Variants in SGCZ observed in about 807,000 individuals in gnomAD.
The protein encoded by SGCZ is zeta-sarcoglycan.
Under a neutral mutation model 41.3 loss-of-function variants are expected in SGCZ, and 40 were observed. That is an observed-to-expected ratio of 0.97 (90% CI 0.75 to 1.26). The LOEUF (loss-of-function observed/expected upper bound fraction) is 1.26. Ranked by LOEUF, SGCZ falls within the 50% of genes most tolerant of loss-of-function variation. SGCZ has a pLI of 0.00. For missense variants in SGCZ, 552 were observed against 369.8 expected (o/e 1.49, Z -4.04); for synonymous variants, 206 against 137.5 (o/e 1.50, Z -3.49).
At chr8:14,237,532 A>G (rs553568361) in intron 4 of SGCZ, 60 bp downstream of exon 4, 86 of 1,496,458 alleles carry the variant, frequency 5.7e-5, no homozygotes, top group Middle Eastern at 3.5e-4. Context: ...ACCAAAAACC[A>G]AAAACAACAA....
intron 1 of SGCZ, among the ~76,000 whole-genome samples, chr8:14,720,943 A>G (rs1349165732): frequency 1.3e-5 from 2 of 152,046 alleles, no homozygotes; most frequent in East Asian, 3.9e-4. Context: ...ATGATTATAA[A>G]TGACCCCAAA....
chr8:15,116,448 T>C (rs2116940505), intron 1 of SGCZ, among the ~76,000 whole-genome samples: 3 of 152,174 alleles, frequency 2.0e-5, no homozygotes, highest in Middle Eastern at 6.8e-3. Context: ...CAATGAGAAG[T>C]GAGTGAAAAG....
chr8:14,246,599 G>GAA (rs71209032), intron 3 of SGCZ, among the ~76,000 whole-genome samples: 4,308 of 145,700 alleles, frequency 0.03, 204 homozygotes, highest in African/African-American at 0.1. Context: ...AGTATAATAA[G>GAA]AAAAAAAAAA....
At chr8:15,223,569 T>C (rs1563193219) in intron 1 of SGCZ, among the ~76,000 whole-genome samples, 2 of 152,216 alleles carry the variant, frequency 1.3e-5, no homozygotes. Context: ...AAAGAGATGG[T>C]GCTATTTCCA....
intron 3 of SGCZ, chr8:14,319,376 T>C (rs990023362): frequency 6.6e-6 from 1 of 151,942 alleles, no homozygotes; most frequent in Non-Finnish European, 1.5e-5. Context: ...GAACCATTAA[T>C]AACACTCCCA....
intron 1 of SGCZ, among the ~76,000 whole-genome samples, chr8:15,142,298 T>A (rs989575108): frequency 7.9e-5 from 12 of 152,140 alleles, no homozygotes; most frequent in African/African-American, 2.9e-4. Context: ...CTTATTGCAC[T>A]CTGAGAAGTT....
rs754639380 is a variant in SGCZ at position 14,087,735 on chromosome 8, TTG to T, written c.*2706_*2707del. ...TTTTTAAAAAAAAAAAAATGCTTTT[TTG>T]TGTTTGAATGTGGAAAACGAGGACA... On this transcript the variant is annotated 3_prime_UTR_variant, in exon 8 of 8. Transcript: ENST00000382080. Among the ~76,000 whole-genome samples the T allele has an allele frequency of 1.3e-5, 2 of 151,622 alleles. No individual in the cohort carries two copies. Among genetic ancestry groups the T allele is most frequent in the Non-Finnish European group, 3.0e-5 (2 of 67,782 alleles).
chr8:15,130,857 A>G lies in SGCZ; in HGVS notation c.39+106728T>C, dbSNP rs529672959. Among the ~76,000 whole-genome samples the G allele has an allele frequency of 2.6e-5, 4 of 152,310 alleles. No individual in the cohort carries two copies. The East Asian group carries it at 5.8e-4, about 22-fold the overall frequency. ...GAATGACAAAATCACTACAAAATCT[A>G]TAAAGTTGAAGATAATGTTTTTTCA... On this transcript the variant is annotated intron_variant, in intron 1 of 7. Coordinates refer to ENST00000382080, the MANE Select transcript of SGCZ (RefSeq NM_139167.4).
chr8:14,160,470 A>C (rs1804010042), intron 5 of SGCZ, among the ~76,000 whole-genome samples: 1 of 152,208 alleles, frequency 6.6e-6, no homozygotes, highest in Non-Finnish European at 1.5e-5. Flanking sequence ...AATAGTAGGG[A>C]ATACAAAATA....
chr8:15,072,055 G>C (rs1378036), intron 1 of SGCZ, among the ~76,000 whole-genome samples: 1 of 151,954 alleles, frequency 6.6e-6, no homozygotes, highest in South Asian at 2.1e-4. Flanking sequence ...GTATCTTCTC[G>C]GTTTTCATAA....
At chr8:14,215,403 G>C (rs1246910190) in intron 4 of SGCZ, among the ~76,000 whole-genome samples, 1 of 152,002 alleles carries the variant, frequency 6.6e-6, no homozygotes, top group Non-Finnish European at 1.5e-5. Context: ...GCATCCACTT[G>C]CCCTAGCAAA....
intron 3 of SGCZ, among the ~76,000 whole-genome samples, chr8:14,275,840 A>T (rs1159765019): frequency 6.6e-6 from 1 of 152,142 alleles, no homozygotes; most frequent in East Asian, 1.9e-4. Flanking sequence ...TGTAGGAGTT[A>T]CTTTACCCCT....
At chr8:14,844,463 C>T (rs528063041) in intron 1 of SGCZ, among the ~76,000 whole-genome samples, 11 of 152,266 alleles carry the variant, frequency 7.2e-5, no homozygotes, top group South Asian at 4.1e-4. Context: ...AACGTGACTT[C>T]GGGAAATAGC....
At chr8:14,285,247 GA>G in intron 3 of SGCZ, among the ~76,000 whole-genome samples, 1 of 152,192 alleles carries the variant, frequency 6.6e-6, no homozygotes, top group East Asian at 1.9e-4. Context: ...GGAGGCTTCA[GA>G]GCTTAGTCTT....
chr8:14,702,362 A>C (rs1008013974), intron 1 of SGCZ, among the ~76,000 whole-genome samples: 1 of 151,822 alleles, frequency 6.6e-6, no homozygotes, highest in African/African-American at 2.4e-5. Context: ...TTCTATCCAC[A>C]CACTCTTCTT....
chr8:14,369,701 G>A (rs976568171), intron 2 of SGCZ, among the ~76,000 whole-genome samples: 1 of 151,826 alleles, frequency 6.6e-6, no homozygotes, highest in Non-Finnish European at 1.5e-5. Flanking sequence ...GTTACAAAAA[G>A]TAATGATTTT....
intron 1 of SGCZ, among the ~76,000 whole-genome samples, chr8:15,072,372 T>C (rs767757837): frequency 1.3e-5 from 2 of 152,146 alleles, no homozygotes; most frequent in Admixed American, 6.6e-5. Context: ...AATAGCAACA[T>C]CAACAAAAAA....
intron 1 of SGCZ, among the ~76,000 whole-genome samples, chr8:15,036,738 G>T (rs1303019971): frequency 6.6e-6 from 1 of 151,764 alleles, no homozygotes; most frequent in African/African-American, 2.4e-5. Flanking sequence ...ATCTTACAAG[G>T]CCAGCATTAC....
chr8:14,364,035 T>C (rs1028546067), intron 2 of SGCZ, among the ~76,000 whole-genome samples: 1 of 152,168 alleles, frequency 6.6e-6, no homozygotes, highest in African/African-American at 2.4e-5. Flanking sequence ...CTTTTACCTA[T>C]AATCTCTAAT....
Sources: gnomAD v4.1 joint callset for allele counts (sites outside exome capture counted in the v4.1 genomes callset) on GRCh38, gnomAD v4.1.1 for gene constraint, MANE v1.5 for transcripts, NCBI Gene and HGNC (gene_info 2026-07-23, HGNC 2026-07-21) for gene names.